The following OGDH variants were observed in gnomAD, a reference collection of about 807,000 sequenced individuals.
OGDH encodes the protein oxoglutarate dehydrogenase.
In OGDH, 38 loss-of-function variants were observed where a neutral mutation model predicts 116.6. The ratio of observed to expected loss-of-function variants is 0.33; its 90% CI spans 0.25 to 0.43. OGDH has a LOEUF of 0.43. Ranked by LOEUF, OGDH falls within the 20% of genes least tolerant of loss-of-function variation. The pLI is 1.00. For synonymous variants in OGDH, 488 were observed against 533.3 expected (o/e 0.92, Z 1.17); for missense variants, 825 against 1,357.2 (o/e 0.61, Z 6.16).
At chr7:44,668,634 AG>A (rs141953264) in intron 5 of OGDH, among the ~76,000 whole-genome samples, 1 of 152,066 alleles carries the variant, frequency 6.6e-6, no homozygotes, top group East Asian at 1.9e-4. Flanking sequence ...ATTGGGCACC[AG>A]GGGGGAGTGA....
At chr7:44,688,885 G>A (rs151336583) in intron 10 of OGDH, among the ~76,000 whole-genome samples, 159 of 152,076 alleles carry the variant, frequency 1.0e-3, no homozygotes, top group Non-Finnish European at 1.7e-3. Flanking sequence ...GAGTAGCTGG[G>A]ACTGTAGGTG....
chr7:44,642,186 C>T (rs767207198), intron 2 of OGDH, among the ~76,000 whole-genome samples: 4 of 152,096 alleles, frequency 2.6e-5, no homozygotes, highest in African/African-American at 4.8e-5. Context: ...GAGGCTGAGA[C>T]GGGCAGATCA....
chr7:44,697,295 G>T lies in OGDH; in HGVS notation c.2052-75G>T. ...GTCACAGAGCATGGCATCTGCTGGTGCTTCGTGCGGGTCCCCAGCGTATTT... is the reference window on the plus strand; with the variant it reads ...GTCACAGAGCATGGCATCTGCTGGTTCTTCGTGCGGGTCCCCAGCGTATTT... On this transcript the variant is annotated intron_variant, in intron 15 of 22. Transcript: ENST00000222673. This position sits in a 1 kb window ranked among gnomAD's most constrained non-coding sequence, Gnocchi z 6.0. 1 of 1,585,766 alleles carries T rather than the reference G, an allele frequency of 6.3e-7. No individual in the cohort carries two copies. The highest frequency in any genetic ancestry group is 8.6e-7 in the Non-Finnish European group (1 of 1,161,886).
At chr7:44,632,922 G>C (rs1334170662) in intron 2 of OGDH, among the ~76,000 whole-genome samples, 1 of 151,280 alleles carries the variant, frequency 6.6e-6, no homozygotes, top group Admixed American at 6.6e-5. Flanking sequence ...AAAAAATTTT[G>C]TTTAATGTCA....
At chr7:44,619,583 T>C (rs1302113202) in intron 1 of OGDH, among the ~76,000 whole-genome samples, 2 of 152,234 alleles carry the variant, frequency 1.3e-5, no homozygotes, top group Non-Finnish European at 2.9e-5. Flanking sequence ...CTTAGTTTCA[T>C]TGCAGAATGC....
intron 20 of OGDH, among the ~76,000 whole-genome samples, chr7:44,706,723 C>T (rs769977604): frequency 6.6e-6 from 1 of 151,422 alleles, no homozygotes. Context: ...CGGGCCCAAC[C>T]GATTCTTCCA....
chr7:44,679,520 C>T (rs780582096), intron 9 of OGDH, among the ~76,000 whole-genome samples: 4 of 152,136 alleles, frequency 2.6e-5, no homozygotes, highest in Admixed American at 6.5e-5. Context: ...CTCAGCACAG[C>T]GCTGAGGACC....
At chr7:44,688,934 G>A (rs1036512508) in intron 10 of OGDH, among the ~76,000 whole-genome samples, 4 of 152,004 alleles carry the variant, frequency 2.6e-5, no homozygotes, top group Non-Finnish European at 5.9e-5. Flanking sequence ...ATTTTTAGTA[G>A]AGATGGGGTT....
At chr7:44,646,599 T>A (rs1253227429) in intron 3 of OGDH, among the ~76,000 whole-genome samples, 1 of 152,252 alleles carries the variant, frequency 6.6e-6, no homozygotes, top group Non-Finnish European at 1.5e-5. Flanking sequence ...GCAGTTGGCC[T>A]CAGTAACAAC....
chr7:44,664,243 C>G (rs952352642), intron 4 of OGDH, among the ~76,000 whole-genome samples: 1 of 152,124 alleles, frequency 6.6e-6, no homozygotes, highest in Non-Finnish European at 1.5e-5. Context: ...AAGTCCTTCT[C>G]CCACTCAAGT....
chr7:44,614,783 G>A (rs140492223), intron 1 of OGDH, among the ~76,000 whole-genome samples: 1 of 150,986 alleles, frequency 6.6e-6, no homozygotes, highest in African/African-American at 2.4e-5. Flanking sequence ...CTTGGTATTG[G>A]TGTCTATAGA....
At chr7:44,690,351 T>G (rs941224901) in intron 10 of OGDH, among the ~76,000 whole-genome samples, 15 of 152,208 alleles carry the variant, frequency 9.9e-5, no homozygotes, top group African/African-American at 2.4e-5. Flanking sequence ...GGAGAAACCA[T>G]TTGGCCCTAA....
At chr7:44,698,550 G>A (rs1788688852) in intron 18 of OGDH, among the ~76,000 whole-genome samples, 1 of 152,140 alleles carries the variant, frequency 6.6e-6, no homozygotes, top group Admixed American at 6.5e-5. Context: ...AAGGGCTCCT[G>A]CGGGATGCTT....
At chr7:44,625,276 C>T (rs1785161042) in intron 2 of OGDH, among the ~76,000 whole-genome samples, 1 of 152,098 alleles carries the variant, frequency 6.6e-6, no homozygotes, top group African/African-American at 2.4e-5. Flanking sequence ...AGGTGCACGT[C>T]ACCACGCCTG....
rs777624714 is a variant in OGDH, at chr7:44,705,051, C to CTTTT, written c.2633-2158_2633-2155dup. ...TTGATGTACAAAAGTTTTTAATTTT[C>CTTTT]TTTTTTTTTTTTTTTTTTTGAGACG... On this transcript the variant is annotated intron_variant, in intron 20 of 22. Coordinates refer to ENST00000222673, the MANE Select transcript of OGDH (RefSeq NM_002541.4). 3.0e-3 allele frequency among the ~76,000 whole-genome samples: 283 copies of CTTTT among 93,912 alleles called. 49 individuals carry two copies. The highest frequency in any genetic ancestry group is 0.015 in the African/African-American group (255 of 17,068). 61.6% of individuals were successfully genotyped at this position (93,912 alleles called of 152,430 possible).
At chr7:44,653,644 G>A (rs969043218) in intron 4 of OGDH, among the ~76,000 whole-genome samples, 1 of 151,416 alleles carries the variant, frequency 6.6e-6, no homozygotes, top group Non-Finnish European at 1.5e-5. Context: ...TCCTGCCTTA[G>A]CCTCCTGAGT....
chr7:44,684,863 C>T (rs927305700), intron 10 of OGDH, among the ~76,000 whole-genome samples: 3 of 151,844 alleles, frequency 2.0e-5, no homozygotes, highest in Non-Finnish European at 4.4e-5. Context: ...GATCTTGGCT[C>T]ACTGCAACCT....
At position 44,641,476 on chromosome 7, in the gene OGDH, T is replaced by C. The variant is rs188577223; in HGVS notation, c.223-3851T>C. 4.4e-3 allele frequency among the ~76,000 whole-genome samples: 669 copies of C among 152,246 alleles called. 28 individuals are homozygous for C. The highest frequency in any genetic ancestry group is 0.039 in the Admixed American group (603 of 15,300). On this transcript the variant is annotated intron_variant, in intron 2 of 22. Transcript: ENST00000222673. ...CCTGATCTCAGGTGACCCACCCACC[T>C]TGGCCTCCCAAAGTGCTGGGATTAC...
In OGDH at chr7:44,675,361, T is replaced by C. The variant is rs919909206; in HGVS notation, c.1026+93T>C. ...TTTCTTAGAATGACTTACGGGGGGTTGGTTCTTCTGTACCATTTGTGATTT... is the reference window on the plus strand; with the variant it reads ...TTTCTTAGAATGACTTACGGGGGGTCGGTTCTTCTGTACCATTTGTGATTT... On this transcript the variant is annotated intron_variant, in intron 8 of 22. Transcript: ENST00000222673. 2.9e-6 allele frequency: 3 copies of C among 1,024,184 alleles called. No homozygotes were observed. The African/African-American group carries it at 4.8e-5, about 16-fold the overall frequency. The allele number at this position is 1,024,184 out of a possible 1,614,324, so 63.4% of individuals were successfully genotyped here. A position where few individuals can be genotyped will look rare whatever the true frequency, so the allele number is the denominator to read the frequency against.
Sources: gnomAD v4.1 joint callset for allele counts (sites outside exome capture counted in the v4.1 genomes callset) on GRCh38, gnomAD v4.1.1 for gene constraint, Gnocchi (gnomAD v3.1) non-coding constraint, MANE v1.5 for transcripts, NCBI Gene and HGNC (gene_info 2026-07-23, HGNC 2026-07-21) for gene names.